Variants in GMDS observed in about 807,000 individuals in gnomAD.
GMDS encodes GDP-mannose 4,6 dehydratase.
A neutral mutation model predicts 49.9 loss-of-function variants in GMDS; 20 were observed. That is an observed-to-expected ratio of 0.40 (90% CI 0.28 to 0.58). GMDS has a LOEUF of 0.58. Among genes scored for constraint, GMDS ranks in the 20% least tolerant of loss-of-function variants. The pLI is 0.42. For missense variants in GMDS, 362 were observed against 481.4 expected, an observed-to-expected ratio of 0.75 and a Z score of 2.32; for synonymous variants, 177 against 178.6, an observed-to-expected ratio of 0.99 and a Z score of 0.07.
chr6:2,101,500 G>A lies in GMDS; in HGVS notation c.345+14271C>T, dbSNP rs539297132. On this transcript the variant is annotated intron_variant, in intron 4 of 10. Coordinates refer to ENST00000380815, the MANE Select transcript of GMDS (RefSeq NM_001500.4). ...ACCAAGAATCATCATCATGTAAGAT[G>A]GTTCAACCTGATAAGTGGAATCCCC... Among the ~76,000 whole-genome samples the A allele has an allele frequency of 2.0e-5, 3 of 151,992 alleles. No homozygotes were observed. The South Asian group carries it at 6.2e-4, about 32-fold the overall frequency.
At chr6:2,217,798 C>T (rs982683405) in intron 1 of GMDS, among the ~76,000 whole-genome samples, 6 of 152,258 alleles carry the variant, frequency 3.9e-5, no homozygotes, top group African/African-American at 1.4e-4. Flanking sequence ...CCTCCCAGTG[C>T]CCCCCAAAGC....
At chr6:1,974,633 C>T (rs1487979074) in intron 4 of GMDS, among the ~76,000 whole-genome samples, 4 of 152,166 alleles carry the variant, frequency 2.6e-5, no homozygotes, top group Non-Finnish European at 2.9e-5. Context: ...ACTAAAATGT[C>T]GACAAATTGC....
intron 1 of GMDS, among the ~76,000 whole-genome samples, chr6:2,203,465 A>G (rs1296059801): frequency 6.6e-6 from 1 of 151,994 alleles, no homozygotes; most frequent in Non-Finnish European, 1.5e-5. Flanking sequence ...TTTATGATGG[A>G]GTTCCTGTTA....
chr6:2,067,479 G>T (rs1184736170), intron 4 of GMDS, among the ~76,000 whole-genome samples: 1 of 152,070 alleles, frequency 6.6e-6, no homozygotes, highest in Non-Finnish European at 1.5e-5. Flanking sequence ...TCCAGGAGCT[G>T]CTTTTTTGAA....
chr6:1,873,256 T>C (rs1758865451), intron 7 of GMDS, among the ~76,000 whole-genome samples: 1 of 152,248 alleles, frequency 6.6e-6, no homozygotes, highest in African/African-American at 2.4e-5. Flanking sequence ...TGATTATGCA[T>C]TGCAACATTG....
chr6:2,131,637 C>A (rs908184332), intron 1 of GMDS, among the ~76,000 whole-genome samples: 7 of 152,092 alleles, frequency 4.6e-5, no homozygotes, highest in Non-Finnish European at 5.9e-5. Flanking sequence ...GGGACAGACC[C>A]CCACTGTAAG....
rs1279372460 is a variant in GMDS at position 2,191,108 on chromosome 6, C to T, written c.102+54213G>A. On this transcript the variant is annotated intron_variant, in intron 1 of 10. Coordinates refer to ENST00000380815, the MANE Select transcript of GMDS (RefSeq NM_001500.4). The surrounding 1 kb of genome is among the most constrained non-coding windows in gnomAD (Gnocchi z 4.6). ...AGTGGTGCGGTCACCACGCCCACTGCACCAAGGGTGCCGTGTTCTTGCGCC... is the reference window on the plus strand; with the variant it reads ...AGTGGTGCGGTCACCACGCCCACTGTACCAAGGGTGCCGTGTTCTTGCGCC... Among the ~76,000 whole-genome samples, 1 of 152,132 alleles carries T rather than the reference C, an allele frequency of 6.6e-6. No individual in the cohort carries two copies. Among genetic ancestry groups the T allele is most frequent in the Non-Finnish European group, 1.5e-5 (1 of 67,988 alleles).
intron 7 of GMDS, among the ~76,000 whole-genome samples, chr6:1,797,272 AC>A (rs1276479988): frequency 6.6e-6 from 1 of 151,684 alleles, no homozygotes; most frequent in Non-Finnish European, 1.5e-5. Flanking sequence ...AAGCGTCCCC[AC>A]CCCCCAGTCA....
At chr6:1,649,711 G>T (rs1219632117) in intron 9 of GMDS, among the ~76,000 whole-genome samples, 1 of 152,156 alleles carries the variant, frequency 6.6e-6, no homozygotes, top group African/African-American at 2.4e-5. Context: ...CAAGGCCAAT[G>T]ACCCCAGGTT....
At chr6:1,786,268 T>C (rs549628223) in intron 7 of GMDS, among the ~76,000 whole-genome samples, 2 of 152,364 alleles carry the variant, frequency 1.3e-5, no homozygotes, top group South Asian at 4.1e-4. Flanking sequence ...GGTTGATAAC[T>C]GTGATCCAGA....
At chr6:1,881,919 G>A (rs911555956) in intron 7 of GMDS, among the ~76,000 whole-genome samples, 2 of 152,164 alleles carry the variant, frequency 1.3e-5, no homozygotes. Context: ...ACCACAGACA[G>A]CAGTAAGATT....
intron 9 of GMDS, 42 bp from the exon 10 acceptor site, chr6:1,624,582 G>C (rs541551879): frequency 7.0e-7 from 1 of 1,426,094 alleles, no homozygotes; most frequent in South Asian, 1.2e-5. Context: ...GTGGGTCGTG[G>C]GGGTGGGGGC....
chr6:2,186,318 G>A (rs234919), intron 1 of GMDS, among the ~76,000 whole-genome samples: 7,065 of 151,998 alleles, frequency 0.046, 274 homozygotes, highest in South Asian at 0.13. Flanking sequence ...ACTGTAATCA[G>A]GGGATATTTT....
At chr6:2,067,108 T>A (rs751251741) in intron 4 of GMDS, among the ~76,000 whole-genome samples, 29 of 151,308 alleles carry the variant, frequency 1.9e-4, no homozygotes, top group African/African-American at 5.1e-4. Flanking sequence ...GGATTAAGAA[T>A]CTCACTCAAA....
chr6:2,016,087 TAAAAA>T (rs375828300), intron 4 of GMDS, among the ~76,000 whole-genome samples: 2 of 134,740 alleles, frequency 1.5e-5, no homozygotes, highest in African/African-American at 5.6e-5. Context: ...AAAAATAAAT[TAAAAA>T]AAAAAAAAAC....
In GMDS at chr6:2,138,295, T is replaced by C. The variant is rs180860704; in HGVS notation, c.103-13564A>G. On this transcript the variant is annotated intron_variant, in intron 1 of 10. Coordinates refer to ENST00000380815, the MANE Select transcript of GMDS (RefSeq NM_001500.4). Reference sequence around the variant, plus strand: ...GTCATGTAGTCTATAGGCAACTGTTTAGTGAAAAATATCTTTAAGTTTTTG... The same window carrying C: ...GTCATGTAGTCTATAGGCAACTGTTCAGTGAAAAATATCTTTAAGTTTTTG... Among the ~76,000 whole-genome samples, 389 of 152,346 alleles carry C rather than the reference T, an allele frequency of 2.6e-3. 3 individuals carry two copies. The Middle Eastern group carries it at 0.037, about 15-fold the overall frequency.
chr6:2,117,392 G>C, intron 3 of GMDS, 77 bp downstream of exon 3: 1 of 867,474 alleles, frequency 1.2e-6, no homozygotes, highest in Non-Finnish European at 2.0e-6. Context: ...AATGACATTT[G>C]AAAACACCTT....
intron 9 of GMDS, among the ~76,000 whole-genome samples, chr6:1,673,655 T>C (rs1026992238): frequency 6.6e-6 from 1 of 152,104 alleles, no homozygotes; most frequent in East Asian, 1.9e-4. Context: ...CTATATCATA[T>C]AGAATAGTTC....
intron 7 of GMDS, among the ~76,000 whole-genome samples, chr6:1,905,781 C>A (rs966268959): frequency 4.2e-5 from 6 of 141,566 alleles, no homozygotes; most frequent in African/African-American, 8.4e-5. Flanking sequence ...GCATGTGGGG[C>A]CAGCACATAG....
Sources: allele counts gnomAD v4.1 joint callset (sites outside exome capture counted in the v4.1 genomes callset), GRCh38; gene constraint gnomAD v4.1.1; non-coding constraint Gnocchi (gnomAD v3.1); transcripts MANE v1.5; gene names NCBI Gene and HGNC (gene_info 2026-07-23, HGNC 2026-07-21).